LPIN1: variants seen among roughly 807,000 people sequenced by gnomAD.
LPIN1 encodes phosphatidate phosphatase LPIN1.
In LPIN1, 71 loss-of-function variants were observed where a neutral mutation model predicts 107.5. That is an observed-to-expected ratio of 0.66 (90% CI 0.55 to 0.80). The LOEUF (loss-of-function observed/expected upper bound fraction) is 0.80. Ranked by LOEUF, LPIN1 falls within the 30% of genes least tolerant of loss-of-function variation. LPIN1 has a pLI of 0.00. For missense variants in LPIN1, 1,043 were observed against 1,160.6 expected (o/e 0.90, Z 1.47); for synonymous variants, 445 against 452.6 (o/e 0.98, Z 0.21).
chr2:11,712,905 T>G (rs922127334), intron 1 of LPIN1, among the ~76,000 whole-genome samples: 2 of 152,264 alleles, frequency 1.3e-5, no homozygotes, highest in South Asian at 4.1e-4. Context: ...GATAACGCCA[T>G]GCCAACAGTC....
At chr2:11,773,280 C>T (rs983554421) in intron 4 of LPIN1, among the ~76,000 whole-genome samples, 1 of 152,180 alleles carries the variant, frequency 6.6e-6, no homozygotes, top group Non-Finnish European at 1.5e-5. Context: ...CGGTTTGGGG[C>T]CACTCTACCT....
At chr2:11,815,000 C>G in intron 17 of LPIN1, 88 bp from the exon 18 acceptor site, 1 of 1,287,810 alleles carries the variant, frequency 7.8e-7, no homozygotes, top group Non-Finnish European at 1.1e-6. Flanking sequence ...GTGCCATTCT[C>G]CACAGAACAG....
In LPIN1 at chr2:11,773,602, T is replaced by A. The variant is rs75093910; in HGVS notation, c.597-18T>A. 5.0e-3 allele frequency: 3,780 copies of A among 749,446 alleles called. 49 individuals carry two copies. Among genetic ancestry groups the A allele is most frequent in the African/African-American group, 0.046 (2,514 of 55,106 alleles). The allele number at this position is 749,446 out of a possible 1,614,324, so 46.4% of individuals were successfully genotyped here. Reference sequence around the variant, plus strand: ...CATTAAGAATTCTTTGACTTTAATCTTTTTTTTTTTCCTCCAGAACTCTTC... The same window carrying A: ...CATTAAGAATTCTTTGACTTTAATCATTTTTTTTTTCCTCCAGAACTCTTC... On this transcript the variant is annotated intron_variant, in intron 4 of 20. Coordinates refer to ENST00000674199, the MANE Select transcript of LPIN1 (RefSeq NM_001349206.2).
At chr2:11,769,989 C>G (rs1244843614) in intron 3 of LPIN1, among the ~76,000 whole-genome samples, 1 of 152,216 alleles carries the variant, frequency 6.6e-6, no homozygotes, top group African/African-American at 2.4e-5. Flanking sequence ...ATCTCCCCTT[C>G]CATGTTCTGG....
At chr2:11,703,664 C>T (rs1662994215) in intron 1 of LPIN1, among the ~76,000 whole-genome samples, 1 of 152,066 alleles carries the variant, frequency 6.6e-6, no homozygotes, top group African/African-American at 2.4e-5. Flanking sequence ...CAAAAATAGA[C>T]ACAACTAGTC....
chr2:11,704,157 G>C (rs925895986), intron 1 of LPIN1, among the ~76,000 whole-genome samples: 3 of 152,250 alleles, frequency 2.0e-5, no homozygotes, highest in Non-Finnish European at 4.4e-5. Flanking sequence ...AGAAGATGAA[G>C]AATGTCACTT....
intron 1 of LPIN1, among the ~76,000 whole-genome samples, chr2:11,756,488 A>G (rs1201238452): frequency 6.6e-6 from 1 of 152,112 alleles, no homozygotes. Context: ...TCCTGGGTTC[A>G]AGCAATTCTC....
chr2:11,688,952 C>G (rs1277463282), intron 1 of LPIN1, among the ~76,000 whole-genome samples: 1 of 152,174 alleles, frequency 6.6e-6, no homozygotes, highest in African/African-American at 2.4e-5. Context: ...GAAATGCCCA[C>G]TGGGTGAGAG....
Position 11,820,494 on chromosome 2 carries a change from T to C in LPIN1, c.2601T>C (p.His867=). 3 of 1,611,692 alleles carry C rather than the reference T, an allele frequency of 1.9e-6. No homozygotes were observed. The highest frequency in any genetic ancestry group is 1.7e-6 in the Non-Finnish European group (2 of 1,177,736). ...VNPKGELVQE[H]AKTNISSYVR... ...CTAAAGGAGAGCTGGTACAGGAACA[T>C]GCAAAGACCAACATCTCTTCGTGAG... The change falls in exon 20 of 21, where the codon CAT becomes CAC. Residue 867 remains histidine, a synonymous_variant. Transcript: ENST00000674199.
intron 13 of LPIN1, among the ~76,000 whole-genome samples, chr2:11,793,634 T>G (rs1676167389): frequency 6.6e-6 from 1 of 152,188 alleles, no homozygotes; most frequent in South Asian, 2.1e-4. Context: ...CACATGCTAT[T>G]TTCATTACTT....
rs1416898578 is a variant in LPIN1, at chr2:11,707,761, G to A, written c.82-5995G>A. On this transcript the variant is annotated intron_variant, in intron 1 of 21. Transcript: ENST00000449576. This position sits in a 1 kb window ranked among gnomAD's most constrained non-coding sequence, Gnocchi z 4.2. ...TGGCTGGGGCCTGTCCCAACCAAGC[G>A]CTGCTGCTTCTGTGAGCACCACAGG... Among the ~76,000 whole-genome samples the A allele has an allele frequency of 1.3e-5, 2 of 152,230 alleles. No homozygotes were observed. Among genetic ancestry groups the A allele is most frequent in the African/African-American group, 4.8e-5 (2 of 41,552 alleles).
chr2:11,731,451 C>T (rs1325214030), intron 1 of LPIN1, among the ~76,000 whole-genome samples: 1 of 152,202 alleles, frequency 6.6e-6, no homozygotes, highest in Non-Finnish European at 1.5e-5. Flanking sequence ...ATATGTGCCA[C>T]TTTTTCTTTA....
At chr2:11,800,211 C>T (rs981707669) in intron 14 of LPIN1, among the ~76,000 whole-genome samples, 3 of 152,058 alleles carry the variant, frequency 2.0e-5, no homozygotes, top group African/African-American at 7.2e-5. Flanking sequence ...AACTCTGGGC[C>T]ACCATCCCAA....
intron 7 of LPIN1, among the ~76,000 whole-genome samples, chr2:11,780,262 T>A (rs1441231962): frequency 6.6e-6 from 1 of 152,206 alleles, no homozygotes; most frequent in Non-Finnish European, 1.5e-5. Context: ...GTCTTGAAAC[T>A]GTAAACAAAA....
Position 11,765,536 on chromosome 2 carries a change from C to T in LPIN1, c.-6C>T, listed in dbSNP as rs1317105841. ...TTTTTTTTTGTCTGTTTTCCAGGTG[C>T]AGACCATGAATTACGTGGGGCAGTT... On this transcript the variant is annotated 5_prime_UTR_variant, in exon 2 of 21. Transcript: ENST00000674199. The surrounding 1 kb of genome is among the most constrained non-coding windows in gnomAD (Gnocchi z 4.4). The T allele has an allele frequency of 6.2e-7, 1 of 1,612,704 alleles. No homozygotes were observed. Among genetic ancestry groups the T allele is most frequent in the South Asian group, 1.1e-5 (1 of 90,984 alleles).
chr2:11,703,650 C>T (rs1427189701), intron 1 of LPIN1, among the ~76,000 whole-genome samples: 1 of 152,052 alleles, frequency 6.6e-6, no homozygotes, highest in Non-Finnish European at 1.5e-5. Flanking sequence ...CTCATAGACA[C>T]CTGCAAAAAT....
rs1663189515 is a variant in LPIN1 at position 11,707,609 on chromosome 2, A to G, written c.82-6147A>G. ...GTGGAGCCATTGCTGGAGCTGCGGG[A>G]GAGAGCAGCGTGGCTGGGACTGGGT... On this transcript the variant is annotated intron_variant, in intron 1 of 21. Coordinates refer to the LPIN1 transcript ENST00000449576. This position sits in a 1 kb window ranked among gnomAD's most constrained non-coding sequence, Gnocchi z 4.2. 6.6e-6 allele frequency among the ~76,000 whole-genome samples: 1 copy of G among 152,182 alleles called. No homozygotes were observed. Among genetic ancestry groups the G allele is most frequent in the Non-Finnish European group, 1.5e-5 (1 of 68,024 alleles).
intron 14 of LPIN1, 42 bp downstream of exon 14, chr2:11,795,529 G>C (rs565576246): frequency 6.5e-7 from 1 of 1,549,434 alleles, no homozygotes; most frequent in African/African-American, 1.4e-5. Context: ...GCCCCTTTCC[G>C]CATCCAAGTT....
At chr2:11,801,459 G>A (rs1444865366) in intron 14 of LPIN1, among the ~76,000 whole-genome samples, 2 of 152,288 alleles carry the variant, frequency 1.3e-5, no homozygotes, top group East Asian at 3.9e-4. Context: ...TGGCAACGTG[G>A]GTGGAATAGG....
Sources: allele counts gnomAD v4.1 joint callset (sites outside exome capture counted in the v4.1 genomes callset), GRCh38; gene constraint gnomAD v4.1.1; non-coding constraint Gnocchi (gnomAD v3.1); transcripts MANE v1.5; gene names NCBI Gene and HGNC (gene_info 2026-07-23, HGNC 2026-07-21).